TRANK1: variants seen among roughly 807,000 people sequenced by gnomAD.
TRANK1 encodes the protein tetratricopeptide repeat and ankyrin repeat containing 1, also known as TPR and ankyrin repeat-containing protein 1.
TRANK1 carries 198 observed loss-of-function variants against 266.0 expected under a neutral mutation model. The ratio of observed to expected loss-of-function variants is 0.74; its 90% CI spans 0.66 to 0.84. The LOEUF is 0.84. TRANK1 is among the 40% of genes least tolerant of loss of function. The probability of loss-of-function intolerance (pLI) is 0.00; values close to 1 mark genes in which losing one functional copy is unlikely to be tolerated. For synonymous variants in TRANK1, 1,396 were observed against 1,384.1 expected, an observed-to-expected ratio of 1.01 and a Z score of -0.19; for missense variants, 3,326 against 3,634.6, an observed-to-expected ratio of 0.92 and a Z score of 2.18.
chr3:36,879,805 A>T (rs1397738989), intron 8 of TRANK1, among the ~76,000 whole-genome samples: 3 of 100,730 alleles, frequency 3.0e-5, no homozygotes, highest in Middle Eastern at 6.5e-3. Context: ...TAAATATACA[A>T]ATATATGTAA....
intron 11 of TRANK1, 31 bp from the exon 12 acceptor site, chr3:36,858,925 G>T: frequency 6.6e-7 from 1 of 1,512,478 alleles, no homozygotes; most frequent in Non-Finnish European, 8.8e-7. Flanking sequence ...AGCGCAATGT[G>T]AGCAGGCACA....
intron 9 of TRANK1, among the ~76,000 whole-genome samples, chr3:36,864,768 G>A (rs776224143): frequency 2.4e-4 from 36 of 152,170 alleles, no homozygotes; most frequent in Non-Finnish European, 3.8e-4. Context: ...TCTTGAGGCT[G>A]TGGCCTTCAT....
intron 9 of TRANK1, among the ~76,000 whole-genome samples, chr3:36,868,899 G>A (rs534377637): frequency 6.6e-6 from 1 of 152,346 alleles, no homozygotes; most frequent in South Asian, 2.1e-4. Flanking sequence ...GAGGCCTGAT[G>A]TAAGCTGACT....
At chr3:36,930,763 C>G (rs2080350690) in intron 1 of TRANK1, among the ~76,000 whole-genome samples, 1 of 151,960 alleles carries the variant, frequency 6.6e-6, no homozygotes, top group Non-Finnish European at 1.5e-5. Context: ...GAAATCAGAA[C>G]AGTGATTGCC....
At chr3:36,847,518 C>T (rs966374077) in intron 15 of TRANK1, among the ~76,000 whole-genome samples, 172 bp from the exon 16 acceptor site, 1 of 152,154 alleles carries the variant, frequency 6.6e-6, no homozygotes, top group Non-Finnish European at 1.5e-5. Flanking sequence ...GATTAACTTG[C>T]ACAAGCAGAG....
chr3:36,828,566 T>C (rs1174513735), intron 23 of TRANK1, among the ~76,000 whole-genome samples, 191 bp from the exon 24 acceptor site: 2 of 152,108 alleles, frequency 1.3e-5, no homozygotes, highest in African/African-American at 4.8e-5. Flanking sequence ...GTCTCCGTAA[T>C]CATTGGTTTA....
chr3:36,933,215 G>T (rs1398919541), intron 1 of TRANK1, among the ~76,000 whole-genome samples: 2 of 152,240 alleles, frequency 1.3e-5, no homozygotes, highest in African/African-American at 4.8e-5. Context: ...TTAGCCAACC[G>T]GGATTAGTTT....
chr3:36,880,884 TC>T (rs2079521544), intron 8 of TRANK1, among the ~76,000 whole-genome samples: 2 of 102,860 alleles, frequency 1.9e-5, no homozygotes, highest in Admixed American at 1.0e-4. Context: ...ATGCTATCCC[TC>T]CCCCCTCCCC....
intron 10 of TRANK1, among the ~76,000 whole-genome samples, chr3:36,862,496 C>T (rs1046266910): frequency 6.6e-6 from 1 of 152,082 alleles, no homozygotes; most frequent in African/African-American, 2.4e-5. Flanking sequence ...TTTTTGTCCC[C>T]GGAATCTATT....
In TRANK1 at chr3:36,855,441, G is replaced by C; in HGVS notation, c.4281C>G (p.Leu1427=). ...ISRRLSKLRV[L]PWSIHELYGD... Reference sequence around the variant, plus strand: ...CATAGAGCTCGTGGATGGACCATGGGAGCACCCTGAGCTTCGACAGCCTCC... The same window carrying C: ...CATAGAGCTCGTGGATGGACCATGGCAGCACCCTGAGCTTCGACAGCCTCC... Residue 1427 remains leucine (L), a synonymous_variant, in exon 13 of 24, where the codon CTC becomes CTG. Coordinates refer to ENST00000645898, the MANE Select transcript of TRANK1 (RefSeq NM_001329998.2). 6.2e-7 allele frequency: 1 copy of C among 1,613,976 alleles called. No individual in the cohort carries two copies. The highest frequency in any genetic ancestry group is 8.5e-7 in the Non-Finnish European group (1 of 1,179,888).
chr3:36,878,568 C>T (rs1174125942), intron 8 of TRANK1, among the ~76,000 whole-genome samples: 1 of 152,050 alleles, frequency 6.6e-6, no homozygotes, highest in Non-Finnish European at 1.5e-5. Context: ...AGCTAGAATA[C>T]TTGGACACCA....
At chr3:36,853,675 G>T (rs1483551499) in intron 13 of TRANK1, among the ~76,000 whole-genome samples, 1 of 152,118 alleles carries the variant, frequency 6.6e-6, no homozygotes, top group East Asian at 1.9e-4. Context: ...ACAAAAGATG[G>T]TTCAACCATA....
At chr3:36,888,682 C>A (rs1430719894) in intron 8 of TRANK1, among the ~76,000 whole-genome samples, 10 of 152,150 alleles carry the variant, frequency 6.6e-5, no homozygotes, top group East Asian at 1.9e-4. Flanking sequence ...CAAAAGGAGG[C>A]CTTCAGGCTG....
At chr3:36,910,802 C>A (rs1489632902) in intron 1 of TRANK1, among the ~76,000 whole-genome samples, 2 of 151,662 alleles carry the variant, frequency 1.3e-5, no homozygotes, top group African/African-American at 4.9e-5. Context: ...TGGCTCATGC[C>A]TGTAATCCCA....
At chr3:36,906,341 C>T (rs769969068) in intron 2 of TRANK1, among the ~76,000 whole-genome samples, 20 of 152,172 alleles carry the variant, frequency 1.3e-4, no homozygotes, top group African/African-American at 3.9e-4. Context: ...AACATCTGCT[C>T]GCTCTACTGC....
rs760773851 is a variant in TRANK1 at position 36,831,684 on chromosome 3, G to T, written c.7899C>A (p.Asp2633Glu). ...ACTCTTCATCCCGCTCAAAGAGCAG[G>T]TCCTGCAGTGCCTCAGCCACAGACT... Reference protein sequence around the residue: ...NVKSVAEALQDLLFERDEEYL... With the variant: ...NVKSVAEALQELLFERDEEYL... Residue 2633 changes from aspartate (D) to glutamate (E), a missense_variant, in exon 22 of 24, where the codon GAC becomes GAA. Asp to Glu is a conservative substitution (Grantham distance 45). Coordinates refer to ENST00000645898, the MANE Select transcript of TRANK1 (RefSeq NM_001329998.2). The surrounding 1 kb of genome is among the most constrained non-coding windows in gnomAD (Gnocchi z 5.0). The T allele has an allele frequency of 6.2e-7, 1 of 1,613,938 alleles. No individual in the cohort carries two copies. The highest frequency in any genetic ancestry group is 1.7e-5 in the Admixed American group (1 of 60,004).
rs1333486371 is a variant in TRANK1 at position 36,861,143 on chromosome 3, C to A, written c.1258G>T (p.Val420Phe). 2.0e-6 allele frequency: 3 copies of A among 1,536,934 alleles called. No individual in the cohort carries two copies. Among genetic ancestry groups the A allele is most frequent in the Non-Finnish European group, 2.6e-6 (3 of 1,146,804 alleles). ...GCACAGTCTTGATTAATATCACAGACCAGGTCAGGAGGAATTTCTTTCAAA... is the reference window on the plus strand; with the variant it reads ...GCACAGTCTTGATTAATATCACAGAACAGGTCAGGAGGAATTTCTTTCAAA... ...STLQEIPPDL[V>F]CDINQDCATT... The change falls in exon 11 of 24, where the codon GTC becomes TTC. Residue 420 changes from valine (V) to phenylalanine (F), a missense_variant. Val to Phe is a conservative substitution (Grantham distance 50). Transcript: ENST00000645898.
chr3:36,903,347 G>A (rs781016643), intron 2 of TRANK1, 72 bp from the exon 3 acceptor site: 95 of 1,483,678 alleles, frequency 6.4e-5, no homozygotes, highest in Admixed American at 5.3e-4. Flanking sequence ...CCCCCCATTC[G>A]GTGCTGGCTG....
At position 36,829,479 on chromosome 3, in the gene TRANK1, C is replaced by T. The variant is rs184718656; in HGVS notation, c.8809+85G>A. 203 of 1,354,400 alleles carry T rather than the reference C, an allele frequency of 1.5e-4. 1 individual carries two copies. In the African/African-American group the frequency reaches 2.7e-3, roughly 18 times the overall value. 83.9% of individuals were successfully genotyped at this position (1,354,400 alleles called of 1,614,324 possible). On this transcript the variant is annotated intron_variant, in intron 23 of 23. Coordinates refer to ENST00000645898, the MANE Select transcript of TRANK1 (RefSeq NM_001329998.2). ...CACTATTGACATCACTGGGCTGCCC[C>T]ACTTCAGATTCCCCCCGGGAGCCAG... is the stretch of plus-strand genomic sequence containing the variant.
Sources: gnomAD v4.1 joint callset for allele counts (sites outside exome capture counted in the v4.1 genomes callset) on GRCh38, gnomAD v4.1.1 for gene constraint, Gnocchi (gnomAD v3.1) non-coding constraint, MANE v1.5 for transcripts, NCBI Gene and HGNC (gene_info 2026-07-23, HGNC 2026-07-21) for gene names.